Variants in MYO16 observed in about 807,000 individuals in gnomAD.
MYO16 encodes the protein myosin XVI, also known as unconventional myosin-XVI.
A neutral mutation model predicts 205.3 loss-of-function variants in MYO16; 94 were observed. The observed-to-expected ratio is 0.46, with a 90% CI of 0.39 to 0.54. The LOEUF is 0.54. MYO16 is among the 20% of genes least tolerant of loss of function. The pLI is 0.00. For missense variants in MYO16, 2,315 were observed against 2,387.5 expected (o/e 0.97, Z 0.63); for synonymous variants, 988 against 954.0 (o/e 1.04, Z -0.66).
At chr13:109,010,686 C>T (rs1047723218) in intron 22 of MYO16, among the ~76,000 whole-genome samples, 1 of 152,008 alleles carries the variant, frequency 6.6e-6, no homozygotes, top group Non-Finnish European at 1.5e-5. Flanking sequence ...TGTCCTTCTG[C>T]TGTGTGTCTT....
intron 8 of MYO16, among the ~76,000 whole-genome samples, chr13:108,820,829 A>G (rs1312859145): frequency 2.0e-5 from 3 of 152,218 alleles, no homozygotes; most frequent in Non-Finnish European, 2.9e-5. Context: ...AGATATTTAA[A>G]CTACAAGAAA....
intron 33 of MYO16, among the ~76,000 whole-genome samples, chr13:109,178,509 C>T (rs1879318577): frequency 6.6e-6 from 1 of 152,174 alleles, no homozygotes; most frequent in Admixed American, 6.5e-5. Flanking sequence ...AATCAATTAC[C>T]TGTGCTAGTT....
chr13:108,671,352 TTCCTATATGCTA>T (rs1881981292), intron 2 of MYO16, among the ~76,000 whole-genome samples: 1 of 152,208 alleles, frequency 6.6e-6, no homozygotes, highest in African/African-American at 2.4e-5. Flanking sequence ...GTATACACCC[TTCCTATATGCTA>T]TATTGTTAAT....
intron 34 of MYO16, among the ~76,000 whole-genome samples, chr13:109,187,755 G>A (rs1879745365): frequency 6.6e-6 from 1 of 152,182 alleles, no homozygotes; most frequent in Non-Finnish European, 1.5e-5. Context: ...GTACTAAAAT[G>A]TTTTTATGGC....
chr13:108,653,741 G>A (rs1372902697), intron 1 of MYO16, among the ~76,000 whole-genome samples: 2 of 150,970 alleles, frequency 1.3e-5, no homozygotes, highest in Non-Finnish European at 2.9e-5. Context: ...AAATGGAAGA[G>A]GATATATATG....
chr13:109,125,466 T>C lies in MYO16; in HGVS notation c.3782+108T>C, dbSNP rs1164035806. ...GAGTTCAATCAAATATGACAGGAGT[T>C]GCAGGAACAGGCATGCGTGGTTTGT... On this transcript the variant is annotated intron_variant, in intron 30 of 34. Coordinates refer to ENST00000457511, the MANE Select transcript of MYO16 (RefSeq NM_001198950.3). This position sits in a 1 kb window ranked among gnomAD's most constrained non-coding sequence, Gnocchi z 4.0. 3 of 1,435,576 alleles carry C rather than the reference T, an allele frequency of 2.1e-6. No homozygotes were observed. The Admixed American group carries it at 6.1e-5, about 29-fold the overall frequency. The allele number at this position is 1,435,576 out of a possible 1,614,324, so 88.9% of individuals were successfully genotyped here.
In MYO16 at chr13:109,015,856, T is replaced by C. The variant is rs150726179; in HGVS notation, c.2596-3855T>C. On this transcript the variant is annotated intron_variant, in intron 22 of 34. Coordinates refer to ENST00000457511, the MANE Select transcript of MYO16 (RefSeq NM_001198950.3). ...GTCTATTCTATTCTTCTCTCTTTTTTTCTTTATTAGTCTTGCTAGTGGTCT... is the reference window on the plus strand; with the variant it reads ...GTCTATTCTATTCTTCTCTCTTTTTCTCTTTATTAGTCTTGCTAGTGGTCT... Among the ~76,000 whole-genome samples, 1,412 of 152,322 alleles carry C rather than the reference T, an allele frequency of 9.3e-3. 25 individuals are homozygous for C. Among genetic ancestry groups the C allele is most frequent in the African/African-American group, 0.032 (1,335 of 41,576 alleles).
At chr13:109,120,247 C>A in intron 28 of MYO16, 123 bp from the exon 29 acceptor site, 1 of 646,128 alleles carries the variant, frequency 1.5e-6, no homozygotes, top group Non-Finnish European at 2.7e-6. Flanking sequence ...GAGACATGTA[C>A]TCTAATTTTC....
intron 4 of MYO16, among the ~76,000 whole-genome samples, chr13:108,727,949 C>A (rs1005660799): frequency 7.9e-5 from 12 of 151,222 alleles, no homozygotes; most frequent in African/African-American, 2.7e-4. Context: ...TATATTGAAT[C>A]TTTTTTTTTC....
the MYO16 span, among the ~76,000 whole-genome samples, chr13:108,568,231 T>A: frequency 6.6e-6 from 1 of 152,200 alleles, no homozygotes; most frequent in Admixed American, 6.5e-5. Context: ...GTGCAATTGC[T>A]GGGTCACATG....
chr13:108,738,367 T>C (rs916222098), intron 4 of MYO16, among the ~76,000 whole-genome samples: 5 of 152,200 alleles, frequency 3.3e-5, no homozygotes, highest in Non-Finnish European at 7.3e-5. Flanking sequence ...AGAACATCTT[T>C]ATTTCTGCCT....
intron 16 of MYO16, among the ~76,000 whole-genome samples, chr13:108,919,335 A>T (rs1167715082): frequency 6.6e-6 from 1 of 152,246 alleles, no homozygotes; most frequent in African/African-American, 2.4e-5. Context: ...CTCAGGTCAG[A>T]TTAACATATT....
chr13:109,179,691 G>A lies in MYO16; in HGVS notation c.5415+58G>A, dbSNP rs775000449. ...ACAAATGGAATTAAGTTATGACAAGGCATTCATTAACTTGTTACCAATAGA... is the reference window on the plus strand; with the variant it reads ...ACAAATGGAATTAAGTTATGACAAGACATTCATTAACTTGTTACCAATAGA... On this transcript the variant is annotated intron_variant, in intron 34 of 34. Transcript: ENST00000457511. 7.9e-6 allele frequency: 11 copies of A among 1,383,726 alleles called. No individual in the cohort carries two copies. The South Asian group carries it at 1.1e-4, about 13-fold the overall frequency. 85.7% of individuals were successfully genotyped at this position (1,383,726 alleles called of 1,614,324 possible). A position where few individuals can be genotyped will look rare whatever the true frequency, so the allele number is the denominator to read the frequency against.
At chr13:108,524,256 C>T in the MYO16 span, among the ~76,000 whole-genome samples, 2 of 151,490 alleles carry the variant, frequency 1.3e-5, no homozygotes, top group African/African-American at 4.8e-5. Flanking sequence ...GCCGAGATTG[C>T]GCCACTGCAC....
intron 23 of MYO16, among the ~76,000 whole-genome samples, chr13:109,023,429 TTTA>T (rs1427374844): frequency 4.3e-5 from 3 of 70,420 alleles, no homozygotes; most frequent in Admixed American, 2.3e-4. Flanking sequence ...TAAATATATA[TTTA>T]TATATTATAC....
intron 34 of MYO16, among the ~76,000 whole-genome samples, chr13:109,182,543 A>G (rs560065681): frequency 8.5e-5 from 13 of 152,292 alleles, no homozygotes; most frequent in African/African-American, 1.9e-4. Context: ...TAGCCTTCCA[A>G]TGAAGCCTCT....
At chr13:108,680,870 A>T (rs1882433155) in intron 2 of MYO16, among the ~76,000 whole-genome samples, 1 of 152,176 alleles carries the variant, frequency 6.6e-6, no homozygotes, top group African/African-American at 2.4e-5. Flanking sequence ...TATATTTTGC[A>T]TTTGTGTAGT....
At chr13:109,117,823 T>C (rs977896788) in intron 28 of MYO16, among the ~76,000 whole-genome samples, 2 of 152,196 alleles carry the variant, frequency 1.3e-5, no homozygotes, top group Non-Finnish European at 2.9e-5. Context: ...TTAGACAGTT[T>C]TCAGAATTCA....
At chr13:109,034,314 C>A (rs887097604) in intron 23 of MYO16, among the ~76,000 whole-genome samples, 1 of 152,322 alleles carries the variant, frequency 6.6e-6, no homozygotes, top group Non-Finnish European at 1.5e-5. Flanking sequence ...TCTCCATAAT[C>A]CCCAAAGGAG....
Sources: gnomAD v4.1 joint callset for allele counts (sites outside exome capture counted in the v4.1 genomes callset) on GRCh38, gnomAD v4.1.1 for gene constraint, Gnocchi (gnomAD v3.1) non-coding constraint, MANE v1.5 for transcripts, NCBI Gene and HGNC (gene_info 2026-07-23, HGNC 2026-07-21) for gene names.